Variants in ZBTB40 observed in about 807,000 individuals in gnomAD.
The protein encoded by ZBTB40 is zinc finger and BTB domain-containing protein 40.
In ZBTB40, 60 loss-of-function variants were observed where a neutral mutation model predicts 117.5. The observed-to-expected ratio is 0.51, with a 90% CI of 0.41 to 0.63. The LOEUF (loss-of-function observed/expected upper bound fraction) is 0.63. ZBTB40 is among the 30% of genes least tolerant of loss of function. ZBTB40 has a pLI of 0.00. For synonymous variants in ZBTB40, 525 were observed against 577.1 expected (o/e 0.91, Z 1.29); for missense variants, 1,287 against 1,498.5 (o/e 0.86, Z 2.33).
chr1:22,507,974 A>C (rs1639118646), intron 6 of ZBTB40, 27 bp from the exon 7 acceptor site: 2 of 1,613,360 alleles, frequency 1.2e-6, no homozygotes, highest in Non-Finnish European at 1.7e-6. Flanking sequence ...TGCATCAAAC[A>C]TTATTGTTTT....
chr1:22,507,656 G>A (rs1433240882), intron 6 of ZBTB40, among the ~76,000 whole-genome samples: 2 of 152,162 alleles, frequency 1.3e-5, no homozygotes, highest in African/African-American at 4.8e-5. Flanking sequence ...TCGCCACACG[G>A]ATCCTCTACC....
chr1:22,444,537 G>A (rs1484375993), intron 1 of ZBTB40, among the ~76,000 whole-genome samples: 1 of 152,190 alleles, frequency 6.6e-6, no homozygotes, highest in East Asian at 1.9e-4. Flanking sequence ...TGGGCGAGTG[G>A]GTTCAAGCAT....
intron 3 of ZBTB40, 21 bp from the exon 4 acceptor site, chr1:22,501,471 C>T: frequency 6.2e-7 from 1 of 1,613,826 alleles, no homozygotes; most frequent in Non-Finnish European, 8.5e-7. Flanking sequence ...ATCTATCTTT[C>T]TGGGTACTTT....
At chr1:22,467,035 C>T (rs933130459) in intron 1 of ZBTB40, among the ~76,000 whole-genome samples, 1 of 151,646 alleles carries the variant, frequency 6.6e-6, no homozygotes, top group Non-Finnish European at 1.5e-5. Flanking sequence ...TACTTTAAAA[C>T]CTCGTATATT....
In ZBTB40 at chr1:22,513,113, A is replaced by G. The variant is rs1338040024; in HGVS notation, c.2651A>G (p.Lys884Arg). 4 of 1,614,096 alleles carry G rather than the reference A, an allele frequency of 2.5e-6. No individual in the cohort carries two copies. In the South Asian group the frequency reaches 4.4e-5, roughly 18 times the overall value. The change falls in exon 12 of 18, where the codon AAG becomes AGG. Residue 884 changes from lysine to arginine, a missense_variant. Lys to Arg is a conservative substitution (Grantham distance 26). This residue lies in a region of ZBTB40 where 417 missense variants were observed against 564.1 expected (regional missense o/e 0.74). Coordinates refer to ENST00000375647, the MANE Select transcript of ZBTB40 (RefSeq NM_014870.4). This position sits in a 1 kb window ranked among gnomAD's most constrained non-coding sequence, Gnocchi z 4.9. ...GCCTCCGCCCTGGCCTATCACACCA[A>G]GAAGAAGCACTCAGAAGGTAAGGCG... The part of the protein sequence containing the change: ...TQASALAYHT[K>R]KKHSEGKMYA...
chr1:22,517,095 G>T (rs749031829), intron 12 of ZBTB40, among the ~76,000 whole-genome samples: 5 of 152,132 alleles, frequency 3.3e-5, no homozygotes, highest in African/African-American at 9.7e-5. Flanking sequence ...AACCACACTC[G>T]CACCTTCCGT....
intron 2 of ZBTB40, among the ~76,000 whole-genome samples, chr1:22,490,866 C>T (rs1193552243): frequency 6.6e-6 from 1 of 152,082 alleles, no homozygotes; most frequent in Non-Finnish European, 1.5e-5. Flanking sequence ...TAATGACGTA[C>T]CATTTCGATA....
At position 22,524,400 on chromosome 1, in the gene ZBTB40, G is replaced by T. The variant is rs1296331869; in HGVS notation, c.3481G>T (p.Val1161Leu). Residue 1161 changes from valine to leucine, a missense_variant, in exon 17 of 18, where the codon GTG becomes TTG. Physicochemically the swap from Val to Leu is conservative, Grantham distance 32 (BLOSUM62 1). This residue lies in a region of ZBTB40 where 417 missense variants were observed against 564.1 expected (regional missense o/e 0.74). Transcript: ENST00000375647. ...DSHLESEHPK[V>L]MSTETQAAAS... ...TCACCTGGAATCTGAGCACCCAAAG[G>T]TGATGAGCACGGAAACCCAGGCCGC... 1.2e-6 allele frequency: 2 copies of T among 1,614,190 alleles called. No individual in the cohort carries two copies. The highest frequency in any genetic ancestry group is 4.5e-5 in the East Asian group (2 of 44,872).
intron 1 of ZBTB40, among the ~76,000 whole-genome samples, chr1:22,436,870 A>G (rs1158482433): frequency 6.6e-6 from 1 of 152,198 alleles, no homozygotes; most frequent in East Asian, 1.9e-4. Flanking sequence ...TCATATCTAG[A>G]AATTCTGAAT....
intron 13 of ZBTB40, among the ~76,000 whole-genome samples, chr1:22,519,064 G>A (rs1309531059): frequency 6.6e-6 from 1 of 152,184 alleles, no homozygotes; most frequent in African/African-American, 2.4e-5. Flanking sequence ...GCATCAAAGT[G>A]TCTTAGAAGA....
chr1:22,499,764 AAC>A (rs1638875579), intron 3 of ZBTB40, among the ~76,000 whole-genome samples: 1 of 152,234 alleles, frequency 6.6e-6, no homozygotes, highest in Admixed American at 6.5e-5. Context: ...AAAGCCAAGA[AAC>A]ACAAGGTCTA....
intron 9 of ZBTB40, among the ~76,000 whole-genome samples, chr1:22,510,905 C>G (rs1407244676): frequency 1.3e-5 from 2 of 152,146 alleles, no homozygotes; most frequent in Non-Finnish European, 2.9e-5. Context: ...TAAGCTATTT[C>G]TTATAGAAAA....
chr1:22,511,346 T>C lies in ZBTB40; in HGVS notation c.2001T>C (p.Ile667=). The C allele has an allele frequency of 6.2e-7, 1 of 1,613,922 alleles. No individual in the cohort carries two copies. The highest frequency in any genetic ancestry group is 8.5e-7 in the Non-Finnish European group (1 of 1,180,034). Residue 667 remains isoleucine, a splice_region_variant and synonymous_variant, in exon 10 of 18, where the codon ATT becomes ATC. Transcript: ENST00000375647. ...CTGTCATGCAGGAGTTGGCATACAT[T>C]GGTAAGGAACGGGCCAGGTGGGAAG... ...LQPVMQELAY[I]GVLTKEDGEK...
chr1:22,446,366 G>A (rs1187674850), intron 1 of ZBTB40, among the ~76,000 whole-genome samples: 1 of 151,876 alleles, frequency 6.6e-6, no homozygotes, highest in Non-Finnish European at 1.5e-5. Context: ...CAAGAATAAC[G>A]GATAATTTCC....
chr1:22,521,149 C>T (rs141785854), intron 14 of ZBTB40, among the ~76,000 whole-genome samples: 102 of 152,366 alleles, frequency 6.7e-4, no homozygotes, highest in African/African-American at 2.4e-3. Context: ...AATCCTGGTC[C>T]TGCTATCTCC....
chr1:22,450,029 C>T (rs947098770), upstream of ZBTB40, among the ~76,000 whole-genome samples: 10 of 152,022 alleles, frequency 6.6e-5, no homozygotes, highest in Non-Finnish European at 1.2e-4. Flanking sequence ...CTCCAACCTC[C>T]GCCTCCCAGG....
At chr1:22,438,297 A>C (rs1318073820) in intron 1 of ZBTB40, among the ~76,000 whole-genome samples, 2 of 152,096 alleles carry the variant, frequency 1.3e-5, no homozygotes, top group Non-Finnish European at 2.9e-5. Flanking sequence ...TGATTGGCTT[A>C]TTTCACTTAA....
chr1:22,458,159 G>A (rs1641045985), intron 1 of ZBTB40, among the ~76,000 whole-genome samples: 1 of 152,196 alleles, frequency 6.6e-6, no homozygotes, highest in Non-Finnish European at 1.5e-5. Context: ...TTATGAAACA[G>A]CCTTCTAGTT....
intron 1 of ZBTB40, among the ~76,000 whole-genome samples, chr1:22,473,405 A>G (rs183766477): frequency 6.6e-6 from 1 of 152,196 alleles, no homozygotes; most frequent in Non-Finnish European, 1.5e-5. Flanking sequence ...TAACTTCACT[A>G]TCAGGGGCTT....
Sources: gnomAD v4.1 joint callset for allele counts (sites outside exome capture counted in the v4.1 genomes callset) on GRCh38, gnomAD v4.1.1 for gene constraint, gnomAD v4.1.1 regional missense constraint, Gnocchi (gnomAD v3.1) non-coding constraint, MANE v1.5 for transcripts, NCBI Gene and HGNC (gene_info 2026-07-23, HGNC 2026-07-21) for gene names.